CLIC5: variants seen among roughly 807,000 people sequenced by gnomAD.
CLIC5 encodes the protein CLIC family member 5, also known as chloride intracellular channel protein 5.
CLIC5 carries 20 observed loss-of-function variants against 24.7 expected under a neutral mutation model. The observed-to-expected ratio is 0.81, with a 90% CI of 0.57 to 1.18. CLIC5 has a LOEUF of 1.18. Ranked by LOEUF, CLIC5 falls within the 50% of genes most tolerant of loss-of-function variation. The probability of loss-of-function intolerance (pLI) is 0.00; values close to 1 mark genes in which losing one functional copy is unlikely to be tolerated. For missense variants in CLIC5, 341 were observed against 326.1 expected, an observed-to-expected ratio of 1.05 and a Z score of -0.35; for synonymous variants, 159 against 135.6, an observed-to-expected ratio of 1.17 and a Z score of -1.20.
At chr6:45,939,921 G>A (rs970207353) in intron 4 of CLIC5, among the ~76,000 whole-genome samples, 1 of 151,722 alleles carries the variant, frequency 6.6e-6, no homozygotes, top group African/African-American at 2.4e-5. Context: ...AAGCAGCAAT[G>A]AAGCAAGAGC....
the CLIC5 span, among the ~76,000 whole-genome samples, chr6:46,109,735 G>A: frequency 6.6e-6 from 1 of 152,056 alleles, no homozygotes; most frequent in Non-Finnish European, 1.5e-5. Context: ...TACAACAATA[G>A]GGTAAAGTAT....
chr6:46,071,601 G>T (rs1762598975), intron 1 of CLIC5, among the ~76,000 whole-genome samples: 2 of 152,268 alleles, frequency 1.3e-5, no homozygotes, highest in South Asian at 2.1e-4. Flanking sequence ...TGGCAAAGTT[G>T]CAGAGATTAA....
At chr6:45,931,239 C>T (rs973961821) in intron 4 of CLIC5, among the ~76,000 whole-genome samples, 4 of 152,166 alleles carry the variant, frequency 2.6e-5, no homozygotes, top group African/African-American at 9.7e-5. Flanking sequence ...AAACTATTTA[C>T]TATCTGACCC....
upstream of CLIC5, among the ~76,000 whole-genome samples, chr6:46,084,433 A>G (rs980079277): frequency 1.3e-5 from 2 of 152,152 alleles, no homozygotes; most frequent in Non-Finnish European, 2.9e-5. Flanking sequence ...TTCCATGTTT[A>G]GTGCTTCCTT....
At chr6:46,084,577 C>T (rs1488399393), upstream of CLIC5, among the ~76,000 whole-genome samples, 4 of 152,228 alleles carry the variant, frequency 2.6e-5, no homozygotes, top group East Asian at 3.9e-4. Context: ...AAAATTCTTT[C>T]CTTTAAGAAT....
At chr6:45,894,981 G>A (rs931604448), downstream of CLIC5, among the ~76,000 whole-genome samples, 1 of 152,062 alleles carries the variant, frequency 6.6e-6, no homozygotes, top group African/African-American at 2.4e-5. Flanking sequence ...TTATCATGGG[G>A]ACAGGAAGGT....
At chr6:46,015,423 T>C in intron 1 of CLIC5, 57 bp downstream of exon 1, 1 of 1,456,256 alleles carries the variant, frequency 6.9e-7, no homozygotes, top group Non-Finnish European at 9.1e-7. Flanking sequence ...CGAGCCCTGG[T>C]GGGTGAGCCC....
At chr6:45,883,361 C>T (rs937802304) in intron 6 of CLIC5, among the ~76,000 whole-genome samples, 2 of 152,022 alleles carry the variant, frequency 1.3e-5, no homozygotes, top group South Asian at 2.1e-4. Context: ...CTAGCCATTC[C>T]GATAATAAAC....
chr6:45,962,710 C>A (rs1310454115), intron 1 of CLIC5, among the ~76,000 whole-genome samples: 1 of 152,178 alleles, frequency 6.6e-6, no homozygotes, highest in East Asian at 1.9e-4. Flanking sequence ...TACATGTCCC[C>A]TCCCAAAAGA....
chr6:46,091,321 C>A, the CLIC5 span, among the ~76,000 whole-genome samples: 1 of 152,226 alleles, frequency 6.6e-6, no homozygotes, highest in African/African-American at 2.4e-5. Context: ...CTGTTTTACA[C>A]TCCACATATA....
intron 1 of CLIC5, among the ~76,000 whole-genome samples, chr6:46,076,461 G>A (rs1045070558): frequency 4.6e-5 from 7 of 152,218 alleles, no homozygotes; most frequent in Non-Finnish European, 5.9e-5. Context: ...AGAAATGCAA[G>A]GAGAGTCGGA....
chr6:46,061,671 G>A (rs896400031), intron 1 of CLIC5, among the ~76,000 whole-genome samples: 8 of 152,228 alleles, frequency 5.3e-5, no homozygotes, highest in Non-Finnish European at 1.0e-4. Flanking sequence ...GGGCCTGGAC[G>A]TGGCCATTGG....
intron 1 of CLIC5, among the ~76,000 whole-genome samples, chr6:46,065,245 T>C (rs1259892951): frequency 1.3e-5 from 2 of 152,014 alleles, no homozygotes; most frequent in Non-Finnish European, 2.9e-5. Flanking sequence ...TATTTATCAG[T>C]ATGCTTCAAA....
At chr6:46,128,492 A>T in the CLIC5 span, among the ~76,000 whole-genome samples, 1 of 152,246 alleles carries the variant, frequency 6.6e-6, no homozygotes, top group Non-Finnish European at 1.5e-5. Flanking sequence ...CCTTACCCTG[A>T]CTATTGTTCA....
At chr6:46,014,504 C>G (rs191431534) in intron 1 of CLIC5, 1 of 152,228 alleles carries the variant, frequency 6.6e-6, no homozygotes, top group South Asian at 2.1e-4. Context: ...AGTTTTCCCC[C>G]TTTGTGAAAG....
chr6:45,896,806 T>C (rs1308065412), downstream of CLIC5, among the ~76,000 whole-genome samples: 2 of 152,180 alleles, frequency 1.3e-5, no homozygotes, highest in Admixed American at 6.5e-5. Flanking sequence ...ATGTCTCCCA[T>C]GCTCCCAGCT....
At chr6:46,049,889 T>C (rs1209198) in intron 1 of CLIC5, among the ~76,000 whole-genome samples, 84,266 of 152,096 alleles carry the variant, frequency 0.55, 23,439 homozygotes, top group Admixed American at 0.66. Context: ...TTTTGACTGA[T>C]GTCTCTGCTC....
chr6:46,043,691 C>G (rs1767878031), intron 1 of CLIC5, among the ~76,000 whole-genome samples: 1 of 152,176 alleles, frequency 6.6e-6, no homozygotes, highest in Non-Finnish European at 1.5e-5. Flanking sequence ...AAAATCTGAA[C>G]TGTGGAGATG....
At chr6:46,027,619 T>C (rs1767371082) in intron 1 of CLIC5, among the ~76,000 whole-genome samples, 2 of 152,256 alleles carry the variant, frequency 1.3e-5, no homozygotes, top group Non-Finnish European at 2.9e-5. Context: ...GAAACTTACT[T>C]AGAAGAAACG....
Sources: allele counts gnomAD v4.1 joint callset (sites outside exome capture counted in the v4.1 genomes callset), GRCh38; gene constraint gnomAD v4.1.1; transcripts MANE v1.5; gene names NCBI Gene and HGNC (gene_info 2026-07-23, HGNC 2026-07-21).